KSR2: variants seen among roughly 807,000 people sequenced by gnomAD.
KSR2 encodes the protein kinase suppressor of ras 2.
A neutral mutation model predicts 107.8 loss-of-function variants in KSR2; 25 were observed. That is an observed-to-expected ratio of 0.23 (90% CI 0.17 to 0.32). The LOEUF (loss-of-function observed/expected upper bound fraction) is 0.32. KSR2 is among the 10% of genes least tolerant of loss of function. The pLI is 1.00. For missense variants in KSR2, 887 were observed against 1,268.9 expected (o/e 0.70, Z 4.57); for synonymous variants, 480 against 507.0 (o/e 0.95, Z 0.71).
In KSR2 at chr12:117,466,639, C is replaced by T. The variant is rs965298685; in HGVS notation, c.*560G>A. ...CGAGCTTAGCCACTCCCGACCTTCC[C>T]TGCTCGATCTTGGCTCAGTAGCCTT... On this transcript the variant is annotated 3_prime_UTR_variant, in exon 20 of 20. Coordinates refer to ENST00000339824, the MANE Select transcript of KSR2 (RefSeq NM_173598.6). 5 of 152,870 alleles carry T rather than the reference C, an allele frequency of 3.3e-5. No individual in the cohort carries two copies. Among genetic ancestry groups the T allele is most frequent in the African/African-American group, 1.2e-4 (5 of 41,474 alleles). The allele number at this position is 152,870 out of a possible 1,614,324, so 9.5% of individuals were successfully genotyped here. A position where few individuals can be genotyped will look rare whatever the true frequency, so the allele number is the denominator to read the frequency against.
At chr12:117,707,212 C>T (rs898424840) in intron 4 of KSR2, among the ~76,000 whole-genome samples, 9 of 151,914 alleles carry the variant, frequency 5.9e-5, no homozygotes, top group Non-Finnish European at 1.2e-4. Flanking sequence ...TTAGAGATTG[C>T]CAGGGGCTAG....
intron 14 of KSR2, among the ~76,000 whole-genome samples, chr12:117,512,452 C>A (rs1383983614): frequency 6.6e-6 from 1 of 152,212 alleles, no homozygotes; most frequent in Non-Finnish European, 1.5e-5. Context: ...GCATCCGTAT[C>A]ACCTGGGATG....
rs1483557757 is a variant in KSR2, at chr12:117,907,418, C to T, written c.181-46987G>A. On this transcript the variant is annotated intron_variant, in intron 1 of 19. Coordinates refer to ENST00000339824, the MANE Select transcript of KSR2 (RefSeq NM_173598.6). This position sits in a 1 kb window ranked among gnomAD's most constrained non-coding sequence, Gnocchi z 4.3. ...TGCTGGGTCTGCGTGCTCAAGACGA[C>T]GCTCAGCAGGTATCTCAGGTGAGAT... 6.6e-6 allele frequency among the ~76,000 whole-genome samples: 1 copy of T among 152,122 alleles called. No individual in the cohort carries two copies. The highest frequency in any genetic ancestry group is 1.9e-4 in the East Asian group (1 of 5,184).
chr12:117,522,148 A>G (rs937586884), intron 14 of KSR2, among the ~76,000 whole-genome samples: 3 of 152,130 alleles, frequency 2.0e-5, no homozygotes, highest in Non-Finnish European at 2.9e-5. Flanking sequence ...GGGGCTCAGA[A>G]TTTTGTACAT....
At chr12:117,928,576 A>T (rs1179001314) in intron 1 of KSR2, among the ~76,000 whole-genome samples, 1 of 152,212 alleles carries the variant, frequency 6.6e-6, no homozygotes, top group Non-Finnish European at 1.5e-5. Context: ...GCTCGTGGAC[A>T]CTTGGGTTGG....
chr12:117,695,717 AC>A (rs200514472), intron 4 of KSR2, among the ~76,000 whole-genome samples: 35,124 of 144,766 alleles, frequency 0.24, 4,178 homozygotes, highest in Admixed American at 0.28. Flanking sequence ...TCTCAAACAA[AC>A]AAAAAAAAAA....
intron 4 of KSR2, among the ~76,000 whole-genome samples, chr12:117,713,284 T>C (rs1886861323): frequency 6.6e-6 from 1 of 152,118 alleles, no homozygotes; most frequent in Non-Finnish European, 1.5e-5. Flanking sequence ...GATATAGCTA[T>C]ATCAATTATC....
chr12:117,544,054 C>T (rs1021956316), intron 9 of KSR2, among the ~76,000 whole-genome samples: 26 of 152,162 alleles, frequency 1.7e-4, no homozygotes, highest in Admixed American at 3.3e-4. Context: ...ATTATATCTG[C>T]AAAGTTCCTA....
intron 5 of KSR2, among the ~76,000 whole-genome samples, chr12:117,636,350 T>TATATATGGATATATGTATATGGAG (rs1883074800): frequency 6.6e-6 from 1 of 150,604 alleles, no homozygotes; most frequent in African/African-American, 2.4e-5. Flanking sequence ...CAAATATATA[T>TATATATGGATATATGTATATGGAG]ATATATATAT....
In KSR2 at chr12:117,792,049, G is replaced by A. The variant is rs570921208; in HGVS notation, c.473-30525C>T. On this transcript the variant is annotated intron_variant, in intron 3 of 19. Transcript: ENST00000339824. ...AAAGGGAGCAATGATAAAGCATTGC[G>A]GTTTTGGCCAAGCGCAGTGGCTCAT... Among the ~76,000 whole-genome samples the A allele has an allele frequency of 1.8e-4, 28 of 152,190 alleles. 1 individual carries two copies. The highest frequency in any genetic ancestry group is 6.5e-4 in the African/African-American group (27 of 41,550).
At position 117,464,459 on chromosome 12, in the gene KSR2, T is replaced by C. The variant is rs1192920215; in HGVS notation, c.*2740A>G. ...TTGCAGGTGAGGCTGGTAATTATGA[T>C]GTAAAAATATACAGCCTCTTTCCTC... On this transcript the variant is annotated 3_prime_UTR_variant, in exon 20 of 20. Coordinates refer to ENST00000339824, the MANE Select transcript of KSR2 (RefSeq NM_173598.6). 2 of 152,220 alleles carry C rather than the reference T, an allele frequency of 1.3e-5. No homozygotes were observed. The highest frequency in any genetic ancestry group is 2.9e-5 in the Non-Finnish European group (2 of 68,042). 9.4% of individuals were successfully genotyped at this position (152,220 alleles called of 1,614,324 possible).
chr12:117,882,708 T>TCCATCCATCCATCCAACCACCCACCCAA (rs1894063083), intron 1 of KSR2, among the ~76,000 whole-genome samples: 1 of 151,288 alleles, frequency 6.6e-6, no homozygotes, highest in Non-Finnish European at 1.5e-5. Flanking sequence ...CATGCAAGCA[T>TCCATCCATCCATCCAACCACCCACCCAA]CCATCCATCC....
chr12:117,960,264 T>A lies in KSR2; in HGVS notation c.180+7812A>T, dbSNP rs533733934. Among the ~76,000 whole-genome samples, 4 of 152,360 alleles carry A rather than the reference T, an allele frequency of 2.6e-5. No individual in the cohort carries two copies. In the South Asian group the frequency reaches 8.3e-4, roughly 32 times the overall value. ...ATGCTCTTTTTGTTTTGGTTGATTT[T>A]CATGGCTGTGGTATATTGTGACATT... On this transcript the variant is annotated intron_variant, in intron 1 of 19. Coordinates refer to ENST00000339824, the MANE Select transcript of KSR2 (RefSeq NM_173598.6).
At chr12:117,957,146 ATCTT>A (rs375151002) in intron 1 of KSR2, among the ~76,000 whole-genome samples, 9 of 152,116 alleles carry the variant, frequency 5.9e-5, no homozygotes, top group Admixed American at 1.3e-4. Flanking sequence ...GTTTCTCCTC[ATCTT>A]TCTTTCTTCT....
intron 4 of KSR2, among the ~76,000 whole-genome samples, chr12:117,756,629 C>T (rs964242947): frequency 6.6e-6 from 1 of 152,238 alleles, no homozygotes; most frequent in African/African-American, 2.4e-5. Context: ...CCTGCTAATA[C>T]ATCCATTCTG....
At position 117,740,438 on chromosome 12, in the gene KSR2, T is replaced by TTAATATATAACATATA. The variant is rs1555233822; in HGVS notation, c.986+20572_986+20573insTATATGTTATATATTA. ...TATATTATATATGTTATATATTACATTAATATATGTATATAGTACATATAT... is the reference window on the plus strand; with the variant it reads ...TATATTATATATGTTATATATTACATTAATATATAACATATATAATATATGTATATAGTACATATAT... On this transcript the variant is annotated intron_variant, in intron 4 of 19. Transcript: ENST00000339824. Among the ~76,000 whole-genome samples the TTAATATATAACATATA allele has an allele frequency of 9.9e-5, 8 of 81,196 alleles. No homozygotes were observed. In the East Asian group the frequency reaches 2.0e-3, roughly 20 times the overall value. 53.3% of individuals were successfully genotyped at this position (81,196 alleles called of 152,430 possible).
intron 3 of KSR2, among the ~76,000 whole-genome samples, chr12:117,777,377 A>G (rs1889733465): frequency 6.6e-6 from 1 of 152,068 alleles, no homozygotes; most frequent in African/African-American, 2.4e-5. Flanking sequence ...TCACCCACAC[A>G]AAGTACAAAC....
chr12:117,715,211 C>A (rs532152347), intron 4 of KSR2, among the ~76,000 whole-genome samples: 2 of 152,174 alleles, frequency 1.3e-5, no homozygotes, highest in Non-Finnish European at 2.9e-5. Flanking sequence ...ATCTGTGCTC[C>A]CTCAAAATGA....
At chr12:117,853,227 A>G (rs781265155) in intron 3 of KSR2, among the ~76,000 whole-genome samples, 21 of 152,234 alleles carry the variant, frequency 1.4e-4, no homozygotes, top group Non-Finnish European at 2.6e-4. Context: ...GATAGGAAAA[A>G]TATGGATATT....
Sources: allele counts gnomAD v4.1 joint callset (sites outside exome capture counted in the v4.1 genomes callset), GRCh38; gene constraint gnomAD v4.1.1; non-coding constraint Gnocchi (gnomAD v3.1); transcripts MANE v1.5; gene names NCBI Gene and HGNC (gene_info 2026-07-23, HGNC 2026-07-21).